CFLAR: variants seen among roughly 807,000 people sequenced by gnomAD.
CFLAR encodes CASP8 and FADD like apoptosis regulator, also known as CASP8 and FADD-like apoptosis regulator.
Under a neutral mutation model 51.1 loss-of-function variants are expected in CFLAR, and 14 were observed. The observed-to-expected ratio is 0.27, with a 90% CI of 0.18 to 0.43. The LOEUF (loss-of-function observed/expected upper bound fraction) is 0.43, where lower values mean the gene tolerates loss of function less well. Ranked by LOEUF, CFLAR falls within the 20% of genes least tolerant of loss-of-function variation. The pLI is 1.00. For synonymous variants in CFLAR, 210 were observed against 211.6 expected (o/e 0.99, Z 0.06); for missense variants, 390 against 566.5 (o/e 0.69, Z 3.16).
intron 9 of CFLAR, chr2:201,163,299 T>C (rs1192859017): frequency 2.4e-6 from 3 of 1,266,588 alleles, no homozygotes; most frequent in African/African-American, 1.5e-5. Context: ...CCATTTAAGC[T>C]GAATGAAGCC....
chr2:201,148,954 C>G (rs756483615), intron 6 of CFLAR, 49 bp from the exon 7 acceptor site: 6 of 1,329,608 alleles, frequency 4.5e-6, no homozygotes, highest in South Asian at 3.5e-5. Context: ...TAGGGGTGGA[C>G]TTAGCTCTCC....
At chr2:201,136,796 C>T (rs1212975541) in intron 4 of CFLAR, 1 of 302,416 alleles carries the variant, frequency 3.3e-6, no homozygotes, top group Non-Finnish European at 6.2e-6. Flanking sequence ...ATACTCCATT[C>T]TTGTTTTTTG....
chr2:201,127,847 G>A (rs1260614942), intron 1 of CFLAR, among the ~76,000 whole-genome samples: 1 of 152,190 alleles, frequency 6.6e-6, no homozygotes, highest in East Asian at 1.9e-4. Flanking sequence ...TGCTCTTGCT[G>A]AGTGTGCGTG....
At chr2:201,132,591 T>G (rs1453016717) in intron 2 of CFLAR, among the ~76,000 whole-genome samples, 1 of 152,110 alleles carries the variant, frequency 6.6e-6, no homozygotes, top group Non-Finnish European at 1.5e-5. Context: ...TTTCTTTCCT[T>G]TAGCATCTTG....
At chr2:201,120,382 G>A (rs1177325677) in intron 1 of CFLAR, among the ~76,000 whole-genome samples, 2 of 151,730 alleles carry the variant, frequency 1.3e-5, no homozygotes, top group South Asian at 4.2e-4. Flanking sequence ...TTTTTTTGGC[G>A]ATTTAAGTTT....
At chr2:201,139,190 A>C (rs190534571) in intron 4 of CFLAR, 237 of 373,256 alleles carry the variant, frequency 6.3e-4, no homozygotes, top group Non-Finnish European at 9.1e-5. Flanking sequence ...AAGTGGATTA[A>C]GGGCTGTGCA....
intron 1 of CFLAR, among the ~76,000 whole-genome samples, chr2:201,121,660 C>T (rs1028651470): frequency 4.6e-5 from 7 of 152,140 alleles, no homozygotes; most frequent in Non-Finnish European, 1.0e-4. Context: ...CAATTTCTGA[C>T]TTTGAATAGA....
rs1162881087 is a variant in CFLAR, at chr2:201,167,379, C to G, written c.*3406C>G. ...ATTTAGCTGAGCGTGGTGGCGTGTT[C>G]CTGTAGTCCCAGCTACTTGGGAGGC... On this transcript the variant is annotated 3_prime_UTR_variant, in exon 10 of 10. Transcript: ENST00000309955. The G allele has an allele frequency of 6.6e-6, 1 of 152,298 alleles. No homozygotes were observed. Among genetic ancestry groups the G allele is most frequent in the Non-Finnish European group, 1.5e-5 (1 of 68,190 alleles). 9.4% of individuals were successfully genotyped at this position (152,298 alleles called of 1,614,324 possible). A position where few individuals can be genotyped will look rare whatever the true frequency, so the allele number is the denominator to read the frequency against.
intron 8 of CFLAR, chr2:201,157,641 G>T (rs1049704424): frequency 1.3e-5 from 2 of 152,388 alleles, no homozygotes; most frequent in Non-Finnish European, 2.9e-5. Flanking sequence ...CTCCCAAAGT[G>T]CTGGGATTGT....
In CFLAR at chr2:201,160,810, G is replaced by T; in HGVS notation, c.1172G>T (p.Gly391Val). 1 of 1,614,060 alleles carries T rather than the reference G, an allele frequency of 6.2e-7. No individual in the cohort carries two copies. The highest frequency in any genetic ancestry group is 8.5e-7 in the Non-Finnish European group (1 of 1,179,968). The change falls in exon 9 of 10, where the codon GGG becomes GTG. Residue 391 changes from glycine to valine, a missense_variant. Gly to Val is a moderately radical substitution (Grantham distance 109). This residue lies in a region of CFLAR where 287 missense variants were observed against 363.6 expected (regional missense o/e 0.79). Transcript: ENST00000309955. Reference sequence around the variant, plus strand: ...GTGGAATTCAAGGCTCAGAAGCGAGGGCTGTGCACAGTTCACCGAGAAGCT... The same window carrying T: ...GTGGAATTCAAGGCTCAGAAGCGAGTGCTGTGCACAGTTCACCGAGAAGCT... ...KNVEFKAQKR[G>V]LCTVHREADF...
intron 4 of CFLAR, chr2:201,139,471 G>C (rs1937895546): frequency 6.5e-6 from 1 of 154,818 alleles, no homozygotes; most frequent in Non-Finnish European, 1.4e-5. Context: ...ACGCCTGTTT[G>C]CAGTTGAGAG....
intron 8 of CFLAR, among the ~76,000 whole-genome samples, chr2:201,157,292 C>T (rs2540456): frequency 0.04 from 6,133 of 152,194 alleles, 168 homozygotes; most frequent in Non-Finnish European, 0.063. Flanking sequence ...AGATGCGTGC[C>T]ACCATGCCCA....
In CFLAR at chr2:201,130,093, A is replaced by T; in HGVS notation, c.228A>T (p.Arg76Ser). ...DLLKRILKMD[R>S]KAVETHLLRN... is the part of the protein sequence containing the mutation. Reference sequence around the variant, plus strand: ...TCAAACGTATCTTGAAGATGGACAGAAAAGCTGTGGAGACCCACCTGCTCA... The same window carrying T: ...TCAAACGTATCTTGAAGATGGACAGTAAAGCTGTGGAGACCCACCTGCTCA... The change falls in exon 2 of 10, where the codon AGA (arginine) becomes AGT (serine). Residue 76 changes from arginine to serine, a missense_variant. By Grantham distance (110) the Arg-to-Ser change is moderately radical (BLOSUM62 -1). Coordinates refer to ENST00000309955, the MANE Select transcript of CFLAR (RefSeq NM_003879.7). The T allele has an allele frequency of 1.2e-6, 2 of 1,612,976 alleles. No homozygotes were observed. The highest frequency in any genetic ancestry group is 1.7e-6 in the Non-Finnish European group (2 of 1,179,316).
rs532313027 is a variant in CFLAR, at chr2:201,162,510, C to T, written c.1305-1325C>T. On this transcript the variant is annotated intron_variant, in intron 9 of 9. Coordinates refer to ENST00000309955, the MANE Select transcript of CFLAR (RefSeq NM_003879.7). ...CATTTCAGCTCCTTTACTGCCAAAGCAGGGGACAAGGACTGCTTCAGTTTC... is the reference window on the plus strand; with the variant it reads ...CATTTCAGCTCCTTTACTGCCAAAGTAGGGGACAAGGACTGCTTCAGTTTC... 81 of 176,466 alleles carry T rather than the reference C, an allele frequency of 4.6e-4. 3 individuals carry two copies. In the South Asian group the frequency reaches 9.4e-3, roughly 21 times the overall value. 10.9% of individuals were successfully genotyped at this position (176,466 alleles called of 1,614,324 possible).
In CFLAR at chr2:201,119,334, C is replaced by T. The variant is rs200224193; in HGVS notation, c.-138+2853C>T. Among the ~76,000 whole-genome samples, 8 of 152,292 alleles carry T rather than the reference C, an allele frequency of 5.3e-5. No homozygotes were observed. The East Asian group carries it at 1.5e-3, about 29-fold the overall frequency. On this transcript the variant is annotated intron_variant, in intron 1 of 9. Coordinates refer to ENST00000309955, the MANE Select transcript of CFLAR (RefSeq NM_003879.7). The stretch of plus-strand genomic sequence containing the variant: ...CACAATGTGGTTGAGGAAGACTCAG[C>T]AGTTACCTACACAGGTAACTTCGAG...
chr2:201,140,955 G>C (rs1340418492), intron 5 of CFLAR, among the ~76,000 whole-genome samples: 1 of 152,040 alleles, frequency 6.6e-6, no homozygotes, highest in African/African-American at 2.4e-5. Flanking sequence ...TTTTGCCCGG[G>C]TGCGGTGGCT....
At position 201,165,021 on chromosome 2, in the gene CFLAR, G is replaced by A. The variant is rs930236487; in HGVS notation, c.*1048G>A. 2.0e-5 allele frequency: 3 copies of A among 151,910 alleles called. No homozygotes were observed. Among genetic ancestry groups the A allele is most frequent in the African/African-American group, 7.3e-5 (3 of 41,344 alleles). 9.4% of individuals were successfully genotyped at this position (151,910 alleles called of 1,614,324 possible). A position where few individuals can be genotyped will look rare whatever the true frequency, so the allele number is the denominator to read the frequency against. On this transcript the variant is annotated 3_prime_UTR_variant, in exon 10 of 10. Transcript: ENST00000309955. ...CTCATCACCTAATTACCTCCCAAAG[G>A]CCCCACCTTCTGATACTGTCACTTT...
intron 6 of CFLAR, among the ~76,000 whole-genome samples, chr2:201,145,971 CTT>C (rs547118436): frequency 1.4e-5 from 2 of 145,512 alleles, no homozygotes. Context: ...AAAGATTACT[CTT>C]TTTTTTTTTT....
intron 2 of CFLAR, among the ~76,000 whole-genome samples, chr2:201,130,702 AG>A (rs2049220394): frequency 6.6e-6 from 1 of 152,112 alleles, no homozygotes; most frequent in African/African-American, 2.4e-5. Context: ...GATCATATGC[AG>A]GTAGAAGGGC....
Sources: allele counts gnomAD v4.1 joint callset (sites outside exome capture counted in the v4.1 genomes callset), GRCh38; gene constraint gnomAD v4.1.1; regional missense constraint gnomAD v4.1.1; transcripts MANE v1.5; gene names NCBI Gene and HGNC (gene_info 2026-07-23, HGNC 2026-07-21).